The following PLPPR1 variants were observed in gnomAD, a reference collection of about 807,000 sequenced individuals.
PLPPR1 encodes phospholipid phosphatase-related protein type 1.
Under a neutral mutation model 33.1 loss-of-function variants are expected in PLPPR1, and 10 were observed. That is an observed-to-expected ratio of 0.30 (90% CI 0.19 to 0.51). The LOEUF (loss-of-function observed/expected upper bound fraction) is 0.51. PLPPR1 is among the 20% of genes least tolerant of loss of function. The pLI is 0.97. For missense variants in PLPPR1, 304 were observed against 408.1 expected (o/e 0.74, Z 2.20); for synonymous variants, 151 against 151.0 (o/e 1.00, Z 0.00).
At chr9:101,163,317 A>C (rs1219060581) in intron 1 of PLPPR1, among the ~76,000 whole-genome samples, 2 of 152,332 alleles carry the variant, frequency 1.3e-5, no homozygotes, top group East Asian at 3.9e-4. Flanking sequence ...ACTTTCATTC[A>C]ACAAATGTTT....
intron 1 of PLPPR1, among the ~76,000 whole-genome samples, chr9:101,130,743 G>A (rs1281090342): frequency 6.6e-6 from 1 of 152,194 alleles, no homozygotes; most frequent in African/African-American, 2.4e-5. Flanking sequence ...GCTAAGCTGA[G>A]TTGGCAACAT....
chr9:101,277,822 A>G lies in PLPPR1; in HGVS notation c.252+7754A>G, dbSNP rs542820605. ...TCAACACACATTCTTGCCTGGGTAG[A>G]CCAGCAAGTACAAACAGAAAACATA... On this transcript the variant is annotated intron_variant, in intron 3 of 7. Transcript: ENST00000374874. Among the ~76,000 whole-genome samples the G allele has an allele frequency of 2.0e-5, 3 of 152,320 alleles. No individual in the cohort carries two copies. In the East Asian group the frequency reaches 5.8e-4, roughly 29 times the overall value.
chr9:101,034,612 C>T (rs1032009637), intron 1 of PLPPR1, among the ~76,000 whole-genome samples: 10 of 152,168 alleles, frequency 6.6e-5, no homozygotes, highest in African/African-American at 2.4e-4. Flanking sequence ...CTTCTCTGTG[C>T]TTTCAATTAC....
chr9:101,111,438 A>G (rs1831055377), intron 1 of PLPPR1, among the ~76,000 whole-genome samples: 1 of 152,174 alleles, frequency 6.6e-6, no homozygotes, highest in African/African-American at 2.4e-5. Flanking sequence ...ATGCATTCAT[A>G]AGACCTTTTC....
At chr9:101,280,618 T>C (rs948228143) in intron 3 of PLPPR1, among the ~76,000 whole-genome samples, 5 of 152,130 alleles carry the variant, frequency 3.3e-5, no homozygotes, top group Non-Finnish European at 7.4e-5. Context: ...GCAAGGATGG[T>C]TCAACATATG....
intron 1 of PLPPR1, among the ~76,000 whole-genome samples, chr9:101,067,462 A>G (rs1344380382): frequency 6.6e-6 from 1 of 152,022 alleles, no homozygotes; most frequent in Admixed American, 6.6e-5. Flanking sequence ...AAATATATAT[A>G]ATCAATAGAA....
intron 2 of PLPPR1, among the ~76,000 whole-genome samples, chr9:101,256,559 G>A (rs1018658963): frequency 2.6e-5 from 4 of 152,100 alleles, no homozygotes; most frequent in African/African-American, 9.7e-5. Context: ...AGGGATCTCC[G>A]TAATCGCAGA....
chr9:101,248,050 C>G (rs1252364247), intron 2 of PLPPR1, among the ~76,000 whole-genome samples: 2 of 152,042 alleles, frequency 1.3e-5, no homozygotes, highest in Non-Finnish European at 2.9e-5. Flanking sequence ...GGATCTACTT[C>G]TGGAGACAGT....
chr9:101,063,357 C>T (rs894764806), intron 1 of PLPPR1, among the ~76,000 whole-genome samples: 5 of 152,136 alleles, frequency 3.3e-5, no homozygotes, highest in African/African-American at 1.2e-4. Context: ...CTTTATGTGT[C>T]AATCAGTGTC....
At position 101,167,486 on chromosome 9, in the gene PLPPR1, C is replaced by T. The variant is rs1438036541; in HGVS notation, c.-45-17964C>T. Among the ~76,000 whole-genome samples the T allele has an allele frequency of 2.6e-5, 4 of 151,718 alleles. No homozygotes were observed. In the South Asian group the frequency reaches 8.3e-4, roughly 32 times the overall value. ...TCTAGTCTCTCAGGGCATTTCCTTT[C>T]TTCTCCTGCAATTTGTTACTCTGGA... On this transcript the variant is annotated intron_variant, in intron 1 of 7. Transcript: ENST00000374874.
intron 1 of PLPPR1, among the ~76,000 whole-genome samples, chr9:101,180,091 CCTTTATATATAT>C (rs1218827679): frequency 3.2e-5 from 3 of 93,900 alleles, no homozygotes; most frequent in South Asian, 4.3e-4. Context: ...AATAAACTCT[CCTTTATATATAT>C]ATATATATAT....
chr9:101,224,211 C>A (rs1188760166), intron 2 of PLPPR1, among the ~76,000 whole-genome samples: 1 of 152,132 alleles, frequency 6.6e-6, no homozygotes, highest in Non-Finnish European at 1.5e-5. Flanking sequence ...ACATTCTCTA[C>A]AAATTTGGGT....
At chr9:101,293,886 T>G (rs946863761) in intron 4 of PLPPR1, among the ~76,000 whole-genome samples, 2 of 150,908 alleles carry the variant, frequency 1.3e-5, no homozygotes, top group African/African-American at 2.4e-5. Flanking sequence ...ACATCACAAT[T>G]AAAAGAACTA....
At chr9:101,172,306 G>A (rs1447747656) in intron 1 of PLPPR1, among the ~76,000 whole-genome samples, 1 of 150,186 alleles carries the variant, frequency 6.7e-6, no homozygotes, top group Non-Finnish European at 1.5e-5. Flanking sequence ...CAAAATAAAA[G>A]ATATCTCAAT....
chr9:101,210,765 G>T (rs970685178), intron 2 of PLPPR1, among the ~76,000 whole-genome samples: 1 of 151,632 alleles, frequency 6.6e-6, no homozygotes, highest in African/African-American at 2.4e-5. Context: ...TTACAGTTTT[G>T]TTTTGTTTTG....
At chr9:101,151,633 G>C (rs1223153202) in intron 1 of PLPPR1, among the ~76,000 whole-genome samples, 1 of 152,106 alleles carries the variant, frequency 6.6e-6, no homozygotes, top group Admixed American at 6.6e-5. Flanking sequence ...AGTATTACTT[G>C]TCACCCTCCC....
At chr9:101,279,703 G>C (rs190337004) in intron 3 of PLPPR1, among the ~76,000 whole-genome samples, 4 of 152,130 alleles carry the variant, frequency 2.6e-5, no homozygotes, top group Non-Finnish European at 5.9e-5. Context: ...TAAACAATAC[G>C]TTCCTGAATG....
At chr9:101,137,090 C>T (rs1033307930) in intron 1 of PLPPR1, among the ~76,000 whole-genome samples, 23 of 152,064 alleles carry the variant, frequency 1.5e-4, no homozygotes, top group Admixed American at 7.2e-4. Context: ...TTCAAAATAT[C>T]TTATATACCC....
intron 1 of PLPPR1, among the ~76,000 whole-genome samples, chr9:101,040,572 G>A (rs1391206588): frequency 6.6e-6 from 1 of 152,102 alleles, no homozygotes; most frequent in Non-Finnish European, 1.5e-5. Flanking sequence ...TTTGCTGTTA[G>A]CTCAGTCTGG....
Sources: allele counts gnomAD v4.1 joint callset (sites outside exome capture counted in the v4.1 genomes callset), GRCh38; gene constraint gnomAD v4.1.1; transcripts MANE v1.5; gene names NCBI Gene and HGNC (gene_info 2026-07-23, HGNC 2026-07-21).